The following TM4SF4 variants were observed in gnomAD, a reference collection of about 807,000 sequenced individuals.
TM4SF4 encodes transmembrane 4 L six family member 4, also known as transmembrane 4 L6 family member 4.
Under a neutral mutation model 24.1 loss-of-function variants are expected in TM4SF4, and 24 were observed. The observed-to-expected ratio is 1.00, with a 90% CI of 0.72 to 1.40. The LOEUF is 1.40. TM4SF4 is among the 40% of genes most tolerant of loss of function. The probability of loss-of-function intolerance (pLI) is 0.00; values close to 1 mark genes in which losing one functional copy is unlikely to be tolerated. For missense variants in TM4SF4, 254 were observed against 254.2 expected (o/e 1.00, Z 0.01); for synonymous variants, 113 against 97.0 (o/e 1.17, Z -0.97).
At chr3:149,482,219 T>C (rs1308501932) in intron 2 of TM4SF4, among the ~76,000 whole-genome samples, 1 of 152,138 alleles carries the variant, frequency 6.6e-6, no homozygotes, top group Non-Finnish European at 1.5e-5. Context: ...TAAAAAAGAT[T>C]AACTTCCCAA....
At chr3:149,491,295 C>CAAAAAAAAAAAAAAAAAAAAAA (rs34935957) in intron 3 of TM4SF4, among the ~76,000 whole-genome samples, 1 of 125,664 alleles carries the variant, frequency 8.0e-6, no homozygotes, top group Non-Finnish European at 1.7e-5. Flanking sequence ...CGCCCCTCTA[C>CAAAAAAAAAAAAAAAAAAAAAA]AAAAAAAAAA....
chr3:149,487,970 T>G (rs1056387313), intron 3 of TM4SF4, among the ~76,000 whole-genome samples: 1 of 152,180 alleles, frequency 6.6e-6, no homozygotes, highest in African/African-American at 2.4e-5. Context: ...GAGAAATAAC[T>G]AAAAGAGGAC....
intron 4 of TM4SF4, among the ~76,000 whole-genome samples, chr3:149,501,537 G>A (rs569265839): frequency 6.6e-6 from 1 of 152,314 alleles, no homozygotes; most frequent in East Asian, 1.9e-4. Flanking sequence ...ACATCACAAA[G>A]TTTCACTACT....
intron 2 of TM4SF4, among the ~76,000 whole-genome samples, 189 bp from the exon 3 acceptor site, chr3:149,487,430 A>G (rs34895718): frequency 0.39 from 59,654 of 151,980 alleles, 12,376 homozygotes; most frequent in Non-Finnish European, 0.47. Flanking sequence ...TGGAAATGGG[A>G]GTGAAGAAGG....
intron 2 of TM4SF4, among the ~76,000 whole-genome samples, chr3:149,477,955 G>T (rs967828090): frequency 4.0e-5 from 6 of 151,668 alleles, no homozygotes; most frequent in African/African-American, 1.5e-4. Flanking sequence ...TTCACACCTG[G>T]TGCTGAGTAA....
chr3:149,485,185 T>C (rs1285470973), intron 2 of TM4SF4, among the ~76,000 whole-genome samples: 3 of 152,244 alleles, frequency 2.0e-5, no homozygotes, highest in Non-Finnish European at 4.4e-5. Context: ...GTAGTAGATT[T>C]CCTTCTCAGA....
intron 3 of TM4SF4, among the ~76,000 whole-genome samples, chr3:149,490,924 T>C (rs143491431): frequency 6.6e-6 from 1 of 152,252 alleles, no homozygotes; most frequent in East Asian, 1.9e-4. Context: ...CTTCTTCCTC[T>C]TCCCTCCCCT....
intron 4 of TM4SF4, among the ~76,000 whole-genome samples, chr3:149,499,276 G>C (rs1054693157): frequency 5.9e-5 from 9 of 152,204 alleles, no homozygotes; most frequent in African/African-American, 2.2e-4. Flanking sequence ...TATGGGTACA[G>C]TGTCAGCGAT....
At chr3:149,498,614 G>A in intron 3 of TM4SF4, 108 bp from the exon 4 acceptor site, 3 of 967,704 alleles carry the variant, frequency 3.1e-6, no homozygotes, top group Admixed American at 2.2e-5. Flanking sequence ...CGTGAAGCTA[G>A]TTTTGGGTGG....
At chr3:149,485,956 T>C (rs4504121) in intron 2 of TM4SF4, among the ~76,000 whole-genome samples, 148,278 of 152,276 alleles carry the variant, frequency 0.97, 72,208 homozygotes, top group East Asian at 1. Context: ...GAATAGAGCT[T>C]GGTATTAAAA....
At position 149,490,979 on chromosome 3, in the gene TM4SF4, C is replaced by T. The variant is rs559112197; in HGVS notation, c.401+3224C>T. On this transcript the variant is annotated intron_variant, in intron 3 of 4. Coordinates refer to ENST00000305354, the MANE Select transcript of TM4SF4 (RefSeq NM_004617.4). Reference sequence around the variant, plus strand: ...TCTTTTTTCTTTCTCTCCTCTTCCTCCTTTTCCTTCTTTTTCTTCCCAGTG... The same window carrying T: ...TCTTTTTTCTTTCTCTCCTCTTCCTTCTTTTCCTTCTTTTTCTTCCCAGTG... Among the ~76,000 whole-genome samples, 13 of 152,140 alleles carry T rather than the reference C, an allele frequency of 8.5e-5. No individual in the cohort carries two copies. In the East Asian group the frequency reaches 2.5e-3, roughly 29 times the overall value.
chr3:149,476,692 G>A (rs1054535514), intron 2 of TM4SF4, among the ~76,000 whole-genome samples: 3 of 151,862 alleles, frequency 2.0e-5, no homozygotes, highest in African/African-American at 7.3e-5. Context: ...AACATAGAAT[G>A]TCATTCCCAT....
intron 1 of TM4SF4, 110 bp downstream of exon 1, chr3:149,475,161 C>T (rs1733905412): frequency 2.5e-6 from 3 of 1,215,138 alleles, no homozygotes; most frequent in Non-Finnish European, 3.4e-6. Context: ...AATAGAAGCT[C>T]AAGCATTGCA....
intron 2 of TM4SF4, among the ~76,000 whole-genome samples, chr3:149,481,429 C>T (rs1734031625): frequency 6.6e-6 from 1 of 152,138 alleles, no homozygotes; most frequent in Non-Finnish European, 1.5e-5. Context: ...GTGAATTCAG[C>T]ATTAAACTCC....
intron 3 of TM4SF4, among the ~76,000 whole-genome samples, chr3:149,490,423 G>T (rs1358200066): frequency 6.6e-6 from 1 of 152,184 alleles, no homozygotes; most frequent in Non-Finnish European, 1.5e-5. Flanking sequence ...TGTTTCATTT[G>T]ATCCTCACAA....
chr3:149,495,651 G>T, intron 3 of TM4SF4: 1 of 320,298 alleles, frequency 3.1e-6, no homozygotes. Context: ...CACTGCTGAA[G>T]TGTTTATCTT....
rs1460796861 is a variant in TM4SF4 at position 149,502,674 on chromosome 3, A to G, written c.592-2A>G. On this transcript the variant is annotated splice_acceptor_variant, in intron 4 of 4. Transcript: ENST00000305354. LOFTEE classifies it high-confidence loss of function. ...AGTTAATTCACCTTTTCTACCTTCT[A>G]GGGAGATGGACCCGTTTAAACCTCC... 1 of 1,604,728 alleles carries G rather than the reference A, an allele frequency of 6.2e-7. No homozygotes were observed. Among genetic ancestry groups the G allele is most frequent in the Non-Finnish European group, 8.5e-7 (1 of 1,171,854 alleles).
At chr3:149,493,852 G>A (rs1322384203) in intron 3 of TM4SF4, among the ~76,000 whole-genome samples, 4 of 152,218 alleles carry the variant, frequency 2.6e-5, no homozygotes, top group African/African-American at 9.6e-5. Flanking sequence ...GCATTGTGGA[G>A]CTTCTCCCAG....
intron 3 of TM4SF4, among the ~76,000 whole-genome samples, chr3:149,490,147 T>C (rs9289788): frequency 0.47 from 72,150 of 152,174 alleles, 19,062 homozygotes; most frequent in South Asian, 0.62. Flanking sequence ...GCCATGATGG[T>C]TACAGGAAGG....
Sources: allele counts gnomAD v4.1 joint callset (sites outside exome capture counted in the v4.1 genomes callset), GRCh38; gene constraint gnomAD v4.1.1; transcripts MANE v1.5; gene names NCBI Gene and HGNC (gene_info 2026-07-23, HGNC 2026-07-21).